The following DZIP1 variants were observed in gnomAD, a reference collection of about 807,000 sequenced individuals.
DZIP1 encodes cilium assembly protein DZIP1.
In DZIP1, 97 loss-of-function variants were observed where a neutral mutation model predicts 107.6. That is an observed-to-expected ratio of 0.90 (90% CI 0.77 to 1.07). DZIP1 has a LOEUF of 1.07. Ranked by LOEUF, DZIP1 falls within the 50% of genes least tolerant of loss-of-function variation. The pLI, the probability that DZIP1 is intolerant of heterozygous loss-of-function variation, is 0.00. For missense variants in DZIP1, 1,035 were observed against 1,063.6 expected (o/e 0.97, Z 0.37); for synonymous variants, 390 against 386.4 (o/e 1.01, Z -0.11).
chr13:95,587,942 G>C (rs1009657721), intron 19 of DZIP1: 1 of 482,590 alleles, frequency 2.1e-6, no homozygotes, highest in Admixed American at 3.7e-5. Context: ...TGCCAGCCAC[G>C]GGGCATGTTT....
At position 95,579,845 on chromosome 13, in the gene DZIP1, G is replaced by A. The variant is rs1225779556; in HGVS notation, c.*2389C>T. On this transcript the variant is annotated 3_prime_UTR_variant, in exon 23 of 23. Coordinates refer to ENST00000376829, the MANE Select transcript of DZIP1 (RefSeq NM_198968.4). Reference sequence around the variant, plus strand: ...GGTCCTACAGGCCAGTGTGGGACAGGGTTGTGTAGGTGTGCATTTCAAACA... The same window carrying A: ...GGTCCTACAGGCCAGTGTGGGACAGAGTTGTGTAGGTGTGCATTTCAAACA... The A allele has an allele frequency of 2.0e-5, 3 of 152,222 alleles. No homozygotes were observed. Among genetic ancestry groups the A allele is most frequent in the African/African-American group, 4.8e-5 (2 of 41,450 alleles). 9.4% of individuals were successfully genotyped at this position (152,222 alleles called of 1,614,324 possible).
intron 15 of DZIP1, among the ~76,000 whole-genome samples, chr13:95,598,517 G>A (rs1379179786): frequency 6.6e-6 from 1 of 152,010 alleles, no homozygotes; most frequent in Non-Finnish European, 1.5e-5. Flanking sequence ...GAGAACAAGG[G>A]AAGAGTTATA....
chr13:95,584,320 G>A (rs903221615), intron 22 of DZIP1, among the ~76,000 whole-genome samples: 43 of 150,780 alleles, frequency 2.9e-4, no homozygotes, highest in African/African-American at 9.0e-4. Flanking sequence ...TGGGGGCCAC[G>A]AGCGGTGGCC....
At chr13:95,589,452 G>T (rs1209363819) in intron 18 of DZIP1, among the ~76,000 whole-genome samples, 1 of 152,164 alleles carries the variant, frequency 6.6e-6, no homozygotes, top group African/African-American at 2.4e-5. Flanking sequence ...CTAAAGACCT[G>T]ACCCACAGTA....
intron 8 of DZIP1, among the ~76,000 whole-genome samples, chr13:95,622,847 A>G (rs1876063579): frequency 6.6e-6 from 1 of 151,832 alleles, no homozygotes; most frequent in African/African-American, 2.4e-5. Flanking sequence ...GGTTCAAGCA[A>G]TCCTTCCACC....
Position 95,594,087 on chromosome 13 carries a change from CTGAAA to C in DZIP1, c.1538-6_1538-2del, listed in dbSNP as rs1323301868. The C allele has an allele frequency of 2.5e-6, 4 of 1,590,560 alleles. No homozygotes were observed. Among genetic ancestry groups the C allele is most frequent in the Non-Finnish European group, 3.4e-6 (4 of 1,170,150 alleles). Reference sequence around the variant, plus strand: ...TTTAATTTCTGTTCATTTTCCCTTCCTGAAATAAGGTTTTAAAAATGTGTTAAAAA... The same window carrying C: ...TTTAATTTCTGTTCATTTTCCCTTCCTAAGGTTTTAAAAATGTGTTAAAAA... On this transcript the variant is annotated splice_acceptor_variant and splice_polypyrimidine_tract_variant and intron_variant, in intron 15 of 22. Transcript: ENST00000376829. LOFTEE classifies it high-confidence loss of function.
At chr13:95,606,675 G>C (rs1464205114) in intron 13 of DZIP1, among the ~76,000 whole-genome samples, 1 of 152,122 alleles carries the variant, frequency 6.6e-6, no homozygotes, top group African/African-American at 2.4e-5. Context: ...CCACTGTTTA[G>C]CTGTTATGAA....
Position 95,580,323 on chromosome 13 carries a change from TG to T in DZIP1, c.*1910del, listed in dbSNP as rs2043995931. ...CTGCGCTCAAGCCTGGGCAACATAG[TG>T]AGACTCTGTCTCAAAAAAAAAAAAA... On this transcript the variant is annotated 3_prime_UTR_variant, in exon 23 of 23. Coordinates refer to ENST00000376829, the MANE Select transcript of DZIP1 (RefSeq NM_198968.4). 1 of 134,226 alleles carries T rather than the reference TG, an allele frequency of 7.5e-6. No individual in the cohort carries two copies. Among genetic ancestry groups the T allele is most frequent in the Non-Finnish European group, 1.5e-5 (1 of 64,882 alleles). 8.3% of individuals were successfully genotyped at this position (134,226 alleles called of 1,614,324 possible).
chr13:95,587,700 T>G lies in DZIP1; in HGVS notation c.2057A>C (p.Gln686Pro), dbSNP rs746034662. ...TGCCCGGATGAGGTCGTCGTCCTCC[T>G]GCTCCTCCTCTGAACTAAAAGGAGG... is the stretch of plus-strand genomic sequence containing the variant. ...TTPPFSSEEE[Q>P]EDDDLIRAYA... Residue 686 changes from glutamine to proline, a missense_variant, in exon 20 of 23, where the codon CAG (glutamine) becomes CCG (proline). Coordinates refer to ENST00000376829, the MANE Select transcript of DZIP1 (RefSeq NM_198968.4). 279 of 1,614,002 alleles carry G rather than the reference T, an allele frequency of 1.7e-4. No individual in the cohort carries two copies. Among genetic ancestry groups the G allele is most frequent in the Admixed American group, 2.5e-4 (15 of 60,006 alleles).
chr13:95,629,994 A>T lies in DZIP1; in HGVS notation c.805T>A (p.Ser269Thr), dbSNP rs770703316. The change falls in exon 7 of 23, where the codon TCC (serine) becomes ACC (threonine). Residue 269 changes from serine (S) to threonine (T), a missense_variant. Coordinates refer to ENST00000376829, the MANE Select transcript of DZIP1 (RefSeq NM_198968.4). The part of the protein sequence containing the change: ...AAHHASAVRF[S>T]KEYEMQKTKE... ...CACAGAATTCTGCCTGGTACCTTGG[A>T]GAATCTGACTGCACTGGCATGGTGT... 1.2e-6 allele frequency: 2 copies of T among 1,601,750 alleles called. No individual in the cohort carries two copies. Among genetic ancestry groups the T allele is most frequent in the Non-Finnish European group, 1.7e-6 (2 of 1,176,432 alleles).
intron 15 of DZIP1, among the ~76,000 whole-genome samples, chr13:95,598,099 C>T (rs2044509665): frequency 6.6e-6 from 1 of 152,182 alleles, no homozygotes; most frequent in Non-Finnish European, 1.5e-5. Flanking sequence ...TTTCCCTCAA[C>T]AAGTTTTTAT....
At chr13:95,642,850 T>C (rs1878693481) in intron 3 of DZIP1, among the ~76,000 whole-genome samples, 193 bp downstream of exon 3, 1 of 152,230 alleles carries the variant, frequency 6.6e-6, no homozygotes. Context: ...ATGGAGTCTT[T>C]CTTCCTTTGT....
chr13:95,625,391 G>T (rs1358288973), intron 7 of DZIP1, among the ~76,000 whole-genome samples: 1 of 151,682 alleles, frequency 6.6e-6, no homozygotes, highest in Non-Finnish European at 1.5e-5. Flanking sequence ...GACCTTCAGG[G>T]TTTTTAAAAT....
Position 95,622,937 on chromosome 13 carries a change from G to T in DZIP1, c.973-457C>A, listed in dbSNP as rs529544731. Among the ~76,000 whole-genome samples the T allele has an allele frequency of 1.2e-4, 19 of 152,046 alleles. No homozygotes were observed. The East Asian group carries it at 3.5e-3, about 28-fold the overall frequency. On this transcript the variant is annotated intron_variant, in intron 8 of 22. Transcript: ENST00000376829. ...TTTGTATTTTTTTTGTAGAGACAGG[G>T]TTTTGCCATGTTGCCCAGGCTGGTC...
At chr13:95,610,236 T>C (rs2044952093) in intron 12 of DZIP1, among the ~76,000 whole-genome samples, 1 of 152,004 alleles carries the variant, frequency 6.6e-6, no homozygotes, top group Non-Finnish European at 1.5e-5. Context: ...AGAACAAACC[T>C]GTAACCCCCA....
chr13:95,638,085 CTTT>C (rs57203833), intron 5 of DZIP1, among the ~76,000 whole-genome samples: 11 of 88,648 alleles, frequency 1.2e-4, no homozygotes, highest in Admixed American at 2.6e-4. Context: ...TGAGTTCAAT[CTTT>C]TTTTTTTTTT....
intron 5 of DZIP1, among the ~76,000 whole-genome samples, chr13:95,637,843 A>G (rs937799157): frequency 1.3e-5 from 2 of 152,220 alleles, no homozygotes; most frequent in South Asian, 2.1e-4. Context: ...TTGGCAGATT[A>G]GTACAGATCT....
At chr13:95,620,294 A>ATT (rs1421959531) in intron 9 of DZIP1, among the ~76,000 whole-genome samples, 1 of 152,130 alleles carries the variant, frequency 6.6e-6, no homozygotes, top group Non-Finnish European at 1.5e-5. Context: ...TCTGCCAATG[A>ATT]TTATAAGTTT....
Position 95,624,838 on chromosome 13 carries a change from A to T in DZIP1, c.902T>A (p.Met301Lys). 1 of 1,612,132 alleles carries T rather than the reference A, an allele frequency of 6.2e-7. No homozygotes were observed. Residue 301 changes from methionine to lysine, a missense_variant, in exon 8 of 23, where the codon ATG (methionine) becomes AAG (lysine). Met to Lys is a moderately conservative substitution (Grantham distance 95). Transcript: ENST00000376829. Reference protein sequence around the residue: ...EEEKEKLVDEMEKVKEMFMKE... With the variant: ...EEEKEKLVDEKEKVKEMFMKE... ...CATAAACATCTCCTTGACTTTTTCC[A>T]TTTCATCAACTAGTTTCTCCTTTTC...
Sources: allele counts gnomAD v4.1 joint callset (sites outside exome capture counted in the v4.1 genomes callset), GRCh38; gene constraint gnomAD v4.1.1; transcripts MANE v1.5; gene names NCBI Gene and HGNC (gene_info 2026-07-23, HGNC 2026-07-21).